CCR3: variants seen among roughly 807,000 people sequenced by gnomAD.
CCR3 encodes C-C motif chemokine receptor 3.
For synonymous variants in CCR3, 203 were observed against 179.2 expected, an observed-to-expected ratio of 1.13 and a Z score of -1.06; for missense variants, 419 against 437.5, an observed-to-expected ratio of 0.96 and a Z score of 0.38.
At chr3:46,264,330 T>C (rs137888947) in intron 1 of CCR3, 2 of 972,020 alleles carry the variant, frequency 2.1e-6, no homozygotes, top group Non-Finnish European at 3.2e-6. Flanking sequence ...ATTATTGTAA[T>C]AGTTAATTAC....
rs753893797 is a variant in CCR3 at position 46,265,980 on chromosome 3, G to A, written c.822G>A (p.Glu274=). The change falls in exon 2 of 2, where the codon GAG becomes GAA. Residue 274 remains glutamate (E), a synonymous_variant. Transcript: ENST00000395940. ...YQSILFGNDC[E]RSKHLDLVML... Reference sequence around the variant, plus strand: ...CCATCTTATTTGGAAATGACTGTGAGCGGAGCAAGCATCTGGACCTGGTCA... The same window carrying A: ...CCATCTTATTTGGAAATGACTGTGAACGGAGCAAGCATCTGGACCTGGTCA... 7 of 1,613,972 alleles carry A rather than the reference G, an allele frequency of 4.3e-6. No individual in the cohort carries two copies. In the East Asian group the frequency reaches 8.9e-5, roughly 21 times the overall value.
At chr3:46,228,336 T>A (rs887970786) in intron 2 of CCR3, among the ~76,000 whole-genome samples, 2 of 152,166 alleles carry the variant, frequency 1.3e-5, no homozygotes, top group Non-Finnish European at 2.9e-5. Flanking sequence ...TCTTCACCCA[T>A]CATCTTATAA....
intron 1 of CCR3, among the ~76,000 whole-genome samples, chr3:46,248,246 C>T (rs1481405757): frequency 1.3e-5 from 2 of 152,078 alleles, no homozygotes; most frequent in Non-Finnish European, 2.9e-5. Context: ...AGAGTGAGTA[C>T]AGCTGAAGGA....
In CCR3 at chr3:46,251,289, C is replaced by T. The variant is rs140335623; in HGVS notation, c.-12+8751C>T. 6.6e-3 allele frequency among the ~76,000 whole-genome samples: 999 copies of T among 152,122 alleles called. 18 individuals carry two copies. Among genetic ancestry groups the T allele is most frequent in the African/African-American group, 0.022 (932 of 41,456 alleles). ...TGCCTTCCCAGTCTGTGACCGGCGC[C>T]GGAGTTTTGGGTCCATGGATAAAAG... On this transcript the variant is annotated intron_variant, in intron 1 of 1. Transcript: ENST00000395940.
chr3:46,232,783 G>A (rs958138070), intron 2 of CCR3, among the ~76,000 whole-genome samples: 1 of 152,174 alleles, frequency 6.6e-6, no homozygotes, highest in Non-Finnish European at 1.5e-5. Context: ...CAGCTTCCAC[G>A]TTCTCACTCC....
At chr3:46,263,258 G>A (rs1700559951) in intron 1 of CCR3, 1 of 153,378 alleles carries the variant, frequency 6.5e-6, no homozygotes, top group South Asian at 2.1e-4. Context: ...ATAATTAACG[G>A]TGAATACAGG....
At position 46,224,203 on chromosome 3, in the gene CCR3, A is replaced by G. The variant is rs143681228; in HGVS notation, c.-68+13296A>G. On this transcript the variant is annotated intron_variant, in intron 2 of 3. Coordinates refer to the CCR3 transcript ENST00000357422. The stretch of plus-strand genomic sequence containing the variant: ...CATCACTAATCATTTGAGAAATGCA[A>G]ATTAAAACCACTGGTTTTAATGAGA... 8.3e-4 allele frequency among the ~76,000 whole-genome samples: 127 copies of G among 152,314 alleles called. 3 individuals are homozygous for G. Among genetic ancestry groups the G allele is most frequent in the African/African-American group, 2.9e-3 (122 of 41,574 alleles).
At chr3:46,245,125 T>C (rs1436998978) in intron 1 of CCR3, among the ~76,000 whole-genome samples, 1 of 152,120 alleles carries the variant, frequency 6.6e-6, no homozygotes, top group African/African-American at 2.4e-5. Context: ...CATTAGTAAC[T>C]ATTATTAATG....
chr3:46,237,326 A>C (rs1009220183), intron 2 of CCR3, among the ~76,000 whole-genome samples: 39 of 152,156 alleles, frequency 2.6e-4, no homozygotes, highest in African/African-American at 9.2e-4. Context: ...GTCCTTGTAC[A>C]TATTCTGGAT....
intron 1 of CCR3, among the ~76,000 whole-genome samples, chr3:46,252,142 C>T (rs1207438381): frequency 2.0e-5 from 3 of 148,080 alleles, no homozygotes; most frequent in East Asian, 4.0e-4. Context: ...ATTTCAAGTG[C>T]TCAATAGCCA....
chr3:46,242,309 CT>C (rs1436987285), upstream of CCR3: 1 of 152,104 alleles, frequency 6.6e-6, no homozygotes, highest in Non-Finnish European at 1.5e-5. Context: ...ACTTGCAAAA[CT>C]GAGAAGCTAG....
chr3:46,265,311 C>A lies in CCR3; in HGVS notation c.153C>A (p.Gly51=). The A allele has an allele frequency of 1.2e-6, 2 of 1,614,060 alleles. No homozygotes were observed. Among genetic ancestry groups the A allele is most frequent in the Non-Finnish European group, 1.7e-6 (2 of 1,179,994 alleles). ...TGGTGTTCACTGTGGGCCTCTTGGG[C>A]AATGTGGTGGTGGTGATGATCCTCA... ...YSLVFTVGLL[G]NVVVVMILIK... Residue 51 remains glycine, a synonymous_variant, in exon 2 of 2, where the codon GGC becomes GGA. Coordinates refer to ENST00000395940, the MANE Select transcript of CCR3 (RefSeq NM_178329.3).
At chr3:46,247,569 A>C (rs1575500604) in intron 1 of CCR3, among the ~76,000 whole-genome samples, 1 of 152,156 alleles carries the variant, frequency 6.6e-6, no homozygotes, top group African/African-American at 2.4e-5. Context: ...GTTTCACTGA[A>C]TACTAAGAGC....
chr3:46,257,264 T>G (rs970349154), intron 1 of CCR3, among the ~76,000 whole-genome samples: 1 of 152,138 alleles, frequency 6.6e-6, no homozygotes, highest in Non-Finnish European at 1.5e-5. Flanking sequence ...AGAGTCGTTG[T>G]TGTCTACACA....
intron 1 of CCR3, among the ~76,000 whole-genome samples, chr3:46,248,680 G>T (rs1700247594): frequency 6.6e-6 from 1 of 152,156 alleles, no homozygotes; most frequent in South Asian, 2.1e-4. Context: ...AAACCTTGTG[G>T]CAGTACAGCC....
At position 46,265,832 on chromosome 3, in the gene CCR3, C is replaced by T. The variant is rs201512005; in HGVS notation, c.674C>T (p.Thr225Met). The T allele has an allele frequency of 3.7e-5, 60 of 1,613,904 alleles. No homozygotes were observed. The highest frequency in any genetic ancestry group is 1.6e-4 in the Middle Eastern group (1 of 6,082). Reference protein sequence around the residue: ...MAICYTGIIKTLLRCPSKKKY... With the variant: ...MAICYTGIIKMLLRCPSKKKY... ...ATCTGCTACACAGGAATCATCAAAA[C>T]GCTGCTGAGGTGCCCCAGTAAAAAA... The change falls in exon 2 of 2, where the codon ACG becomes ATG. Residue 225 changes from threonine (T) to methionine (M), a missense_variant. Transcript: ENST00000395940.
intron 1 of CCR3, among the ~76,000 whole-genome samples, chr3:46,257,424 AG>A (rs1700449292): frequency 1.5e-5 from 2 of 132,580 alleles, no homozygotes; most frequent in South Asian, 2.6e-4. Flanking sequence ...AGCTTGTCCC[AG>A]GCTTTTTTTT....
At chr3:46,235,863 C>T (rs1335335207) in intron 2 of CCR3, among the ~76,000 whole-genome samples, 2 of 152,210 alleles carry the variant, frequency 1.3e-5, no homozygotes, top group African/African-American at 4.8e-5. Flanking sequence ...CTGCCGAAGG[C>T]TCTACGCACA....
At chr3:46,246,504 T>C (rs1282466571) in intron 1 of CCR3, among the ~76,000 whole-genome samples, 1 of 152,072 alleles carries the variant, frequency 6.6e-6, no homozygotes, top group East Asian at 1.9e-4. Context: ...GGGGTGATTT[T>C]TGAGCCAGGA....
Sources: allele counts gnomAD v4.1 joint callset (sites outside exome capture counted in the v4.1 genomes callset), GRCh38; gene constraint gnomAD v4.1.1; transcripts MANE v1.5; gene names NCBI Gene and HGNC (gene_info 2026-07-23, HGNC 2026-07-21).